The following NR3C2 variants were observed in gnomAD, a reference collection of about 807,000 sequenced individuals.
The protein encoded by NR3C2 is mineralocorticoid receptor.
In NR3C2, 15 loss-of-function variants were observed where a neutral mutation model predicts 86.4. That is an observed-to-expected ratio of 0.17 (90% CI 0.12 to 0.27). The LOEUF (loss-of-function observed/expected upper bound fraction) is 0.27. NR3C2 is among the 10% of genes least tolerant of loss of function. The pLI, the probability that NR3C2 is intolerant of heterozygous loss-of-function variation, is 1.00. For synonymous variants in NR3C2, 458 were observed against 450.5 expected (o/e 1.02, Z -0.21); for missense variants, 960 against 1,195.6 (o/e 0.80, Z 2.91).
At chr4:148,442,071 A>T (rs1444126996) in intron 1 of NR3C2, 89 bp downstream of exon 1, 1 of 152,442 alleles carries the variant, frequency 6.6e-6, no homozygotes, top group Non-Finnish European at 1.5e-5. Context: ...CGGATTACGC[A>T]GCCACTTCTC....
chr4:148,307,850 A>C (rs931312481), intron 2 of NR3C2, among the ~76,000 whole-genome samples: 1 of 151,854 alleles, frequency 6.6e-6, no homozygotes, highest in East Asian at 1.9e-4. Flanking sequence ...CATCATTAAA[A>C]AAAACAAAAC....
At chr4:148,322,622 ATTCAT>A (rs1215365687) in intron 2 of NR3C2, among the ~76,000 whole-genome samples, 1 of 70,556 alleles carries the variant, frequency 1.4e-5, no homozygotes, top group African/African-American at 5.8e-5. Flanking sequence ...GCTTCATTTC[ATTCAT>A]TTCATCTTCC....
rs936464554 is a variant in NR3C2 at position 148,277,219 on chromosome 4, T to G, written c.1758-17102A>C. On this transcript the variant is annotated intron_variant, in intron 2 of 8. Transcript: ENST00000358102. The stretch of plus-strand genomic sequence containing the variant: ...TAGTCTCATAAATAAAAGCTTAAAT[T>G]TCATCTCTAAAAAAGTTCAAGTCTG... Among the ~76,000 whole-genome samples the G allele has an allele frequency of 3.3e-5, 5 of 152,282 alleles. No homozygotes were observed. In the East Asian group the frequency reaches 7.7e-4, roughly 24 times the overall value.
chr4:148,154,542 C>A lies in NR3C2; in HGVS notation c.2365+9G>T, dbSNP rs546378431. 98 of 1,613,288 alleles carry A rather than the reference C, an allele frequency of 6.1e-5. No homozygotes were observed. Among genetic ancestry groups the A allele is most frequent in the Non-Finnish European group, 7.7e-5 (91 of 1,179,404 alleles). On this transcript the variant is annotated intron_variant, in intron 5 of 8. Coordinates refer to ENST00000358102, the MANE Select transcript of NR3C2 (RefSeq NM_000901.5). ...AGGATGCAGCCTGTGAAAGGAGAGG[C>A]AATCCTACCTGGAAGTACCTTTGCC... is the stretch of plus-strand genomic sequence containing the variant.
chr4:148,394,616 T>C (rs1367603366), intron 2 of NR3C2, among the ~76,000 whole-genome samples: 1 of 152,010 alleles, frequency 6.6e-6, no homozygotes, highest in East Asian at 1.9e-4. Context: ...CACTTGAGCC[T>C]GGGAGGTCAA....
intron 2 of NR3C2, among the ~76,000 whole-genome samples, chr4:148,363,834 C>T (rs2126324744): frequency 6.6e-6 from 1 of 152,240 alleles, no homozygotes; most frequent in South Asian, 2.1e-4. Context: ...TCAAGTCTCA[C>T]CTATCACTTC....
In NR3C2 at chr4:148,435,862, G is replaced by A. The variant is rs1750031901; in HGVS notation, c.999C>T (p.Ile333=). The A allele has an allele frequency of 6.2e-7, 1 of 1,614,070 alleles. No homozygotes were observed. The highest frequency in any genetic ancestry group is 1.7e-5 in the Admixed American group (1 of 60,002). Residue 333 remains isoleucine, a synonymous_variant, in exon 2 of 9, where the codon ATC becomes ATT. Transcript: ENST00000358102. The part of the protein sequence containing the change: ...SSPAASTVGS[I]CSPVNNAFSY... Reference sequence around the variant, plus strand: ...TGAAGGCATTGTTTACAGGGCTACAGATAGATCCCACAGTACTGGCTGCCG... The same window carrying A: ...TGAAGGCATTGTTTACAGGGCTACAAATAGATCCCACAGTACTGGCTGCCG...
At chr4:148,208,901 A>G (rs1441593532) in intron 3 of NR3C2, 1 of 152,224 alleles carries the variant, frequency 6.6e-6, no homozygotes, top group Non-Finnish European at 1.5e-5. Flanking sequence ...TTGGAATTAC[A>G]TGGTGTTTTT....
At chr4:148,349,862 C>T (rs950942022) in intron 2 of NR3C2, among the ~76,000 whole-genome samples, 3 of 152,062 alleles carry the variant, frequency 2.0e-5, no homozygotes, top group Non-Finnish European at 2.9e-5. Flanking sequence ...AATAACACTA[C>T]AGTTTACCGC....
chr4:148,249,772 C>T (rs189601632), intron 3 of NR3C2, among the ~76,000 whole-genome samples: 4 of 152,224 alleles, frequency 2.6e-5, no homozygotes, highest in East Asian at 3.9e-4. Context: ...AGGAAGGTGA[C>T]GCTTTTGTAA....
At chr4:148,431,082 T>C (rs888375846) in intron 2 of NR3C2, among the ~76,000 whole-genome samples, 3 of 152,268 alleles carry the variant, frequency 2.0e-5, no homozygotes, top group South Asian at 2.1e-4. Context: ...CAGTGTTATG[T>C]CAACAGAAAT....
intron 2 of NR3C2, among the ~76,000 whole-genome samples, chr4:148,346,993 C>A (rs1340683080): frequency 1.3e-5 from 2 of 151,926 alleles, no homozygotes; most frequent in South Asian, 4.2e-4. Context: ...TGGAATAAGC[C>A]GATAAAGCCA....
chr4:148,154,701 C>G lies in NR3C2; in HGVS notation c.2215G>C (p.Val739Leu). ...TISRALTPSPVMVLENIEPEI... is the reference protein window; with the variant it reads ...TISRALTPSPLMVLENIEPEI... Reference sequence around the variant, plus strand: ...GGTTCAATGTTTTCAAGGACCATAACGGGGGAAGGTGTGAGCGCTCGTGAG... The same window carrying G: ...GGTTCAATGTTTTCAAGGACCATAAGGGGGGAAGGTGTGAGCGCTCGTGAG... The change falls in exon 5 of 9, where the codon GTT (valine) becomes CTT (leucine). Residue 739 changes from valine to leucine, a missense_variant. Val to Leu is a conservative substitution (Grantham distance 32). Coordinates refer to ENST00000358102, the MANE Select transcript of NR3C2 (RefSeq NM_000901.5). 1 of 1,612,826 alleles carries G rather than the reference C, an allele frequency of 6.2e-7. No homozygotes were observed. The highest frequency in any genetic ancestry group is 8.5e-7 in the Non-Finnish European group (1 of 1,179,836).
At chr4:148,295,681 A>G (rs1427572335) in intron 2 of NR3C2, among the ~76,000 whole-genome samples, 1 of 151,418 alleles carries the variant, frequency 6.6e-6, no homozygotes, top group East Asian at 1.9e-4. Flanking sequence ...CATTACTGTA[A>G]CTTTGTCTAA....
chr4:148,092,701 T>C (rs1226549498), intron 8 of NR3C2, among the ~76,000 whole-genome samples: 3 of 152,234 alleles, frequency 2.0e-5, no homozygotes, highest in African/African-American at 7.2e-5. Flanking sequence ...CTCCTTTCCA[T>C]CTTTCCCTAG....
At chr4:148,189,974 C>CT (rs1248826458) in intron 4 of NR3C2, among the ~76,000 whole-genome samples, 1 of 152,078 alleles carries the variant, frequency 6.6e-6, no homozygotes, top group African/African-American at 2.4e-5. Flanking sequence ...TTTTATTTAT[C>CT]TTTTCAAAGA....
chr4:148,184,139 A>C (rs1046763978), intron 4 of NR3C2, among the ~76,000 whole-genome samples: 1 of 152,114 alleles, frequency 6.6e-6, no homozygotes, highest in African/African-American at 2.4e-5. Context: ...AATCCTTAGA[A>C]CACCCTATGA....
At chr4:148,362,749 A>G (rs1429179286) in intron 2 of NR3C2, among the ~76,000 whole-genome samples, 1 of 152,178 alleles carries the variant, frequency 6.6e-6, no homozygotes, top group Non-Finnish European at 1.5e-5. Context: ...TACAATTGTA[A>G]TAACTGCTGT....
At chr4:148,362,684 T>C (rs574564822) in intron 2 of NR3C2, among the ~76,000 whole-genome samples, 2 of 152,142 alleles carry the variant, frequency 1.3e-5, no homozygotes, top group African/African-American at 2.4e-5. Context: ...GAATTTACAA[T>C]CTAGACTCAA....
Sources: gnomAD v4.1 joint callset for allele counts (sites outside exome capture counted in the v4.1 genomes callset) on GRCh38, gnomAD v4.1.1 for gene constraint, MANE v1.5 for transcripts, NCBI Gene and HGNC (gene_info 2026-07-23, HGNC 2026-07-21) for gene names.